Variants in THEMIS observed in about 807,000 individuals in gnomAD.
THEMIS encodes the protein thymocyte selection associated.
THEMIS carries 37 observed loss-of-function variants against 52.6 expected under a neutral mutation model. That is an observed-to-expected ratio of 0.70 (90% CI 0.54 to 0.93). The LOEUF (loss-of-function observed/expected upper bound fraction) is 0.93. Among genes scored for constraint, THEMIS ranks in the 40% least tolerant of loss-of-function variants. THEMIS has a pLI of 0.00. For missense variants in THEMIS, 808 were observed against 763.1 expected, an observed-to-expected ratio of 1.06 and a Z score of -0.69; for synonymous variants, 292 against 272.7, an observed-to-expected ratio of 1.07 and a Z score of -0.70.
chr6:127,733,405 A>T (rs559086267), intron 4 of THEMIS, among the ~76,000 whole-genome samples: 41 of 152,266 alleles, frequency 2.7e-4, no homozygotes, highest in Non-Finnish European at 1.5e-5. Flanking sequence ...TTTTGTTTAA[A>T]CTAGTTAATA....
chr6:127,719,524 G>C (rs944413178), intron 5 of THEMIS, among the ~76,000 whole-genome samples, 164 bp downstream of exon 5: 4 of 152,008 alleles, frequency 2.6e-5, no homozygotes, highest in Admixed American at 2.0e-4. Context: ...TCAATATCAT[G>C]CTTCACATAA....
chr6:127,895,682 C>T (rs1370378545), intron 1 of THEMIS, among the ~76,000 whole-genome samples: 2 of 151,276 alleles, frequency 1.3e-5, no homozygotes, highest in African/African-American at 2.4e-5. Context: ...AAACTATGCT[C>T]ATGGATAAAA....
chr6:127,767,845 G>T (rs1049276260), intron 4 of THEMIS, among the ~76,000 whole-genome samples: 1 of 152,128 alleles, frequency 6.6e-6, no homozygotes, highest in African/African-American at 2.4e-5. Context: ...CACAACAAGT[G>T]AGTAATGTGT....
At chr6:127,764,589 G>T (rs926121744) in intron 4 of THEMIS, among the ~76,000 whole-genome samples, 5 of 152,002 alleles carry the variant, frequency 3.3e-5, no homozygotes, top group African/African-American at 1.2e-4. Flanking sequence ...CTAAAATAAT[G>T]CAGTTGGTAA....
At chr6:127,743,218 A>C (rs9491859) in intron 4 of THEMIS, among the ~76,000 whole-genome samples, 87,621 of 151,844 alleles carry the variant, frequency 0.58, 26,654 homozygotes, top group Non-Finnish European at 0.65. Flanking sequence ...TATCTCAGAT[A>C]CAGTGATGGT....
chr6:127,856,652 G>C (rs149584699), intron 1 of THEMIS, among the ~76,000 whole-genome samples: 73 of 152,034 alleles, frequency 4.8e-4, no homozygotes, highest in African/African-American at 1.6e-3. Context: ...ACATATTAAG[G>C]ATAGTCTATC....
intron 4 of THEMIS, among the ~76,000 whole-genome samples, chr6:127,793,808 T>A (rs1241831723): frequency 2.0e-5 from 3 of 152,232 alleles, no homozygotes; most frequent in Non-Finnish European, 4.4e-5. Context: ...ACTGATCATT[T>A]ACTCTAACCT....
downstream of THEMIS, among the ~76,000 whole-genome samples, chr6:127,705,134 A>AGAT (rs909393609): frequency 2.0e-5 from 3 of 152,224 alleles, no homozygotes; most frequent in African/African-American, 7.2e-5. Flanking sequence ...ACTTGGATTC[A>AGAT]GATAGAGTTG....
intron 5 of THEMIS, among the ~76,000 whole-genome samples, chr6:127,713,977 G>T (rs1031982111): frequency 1.8e-4 from 28 of 151,880 alleles, no homozygotes; most frequent in African/African-American, 6.8e-4. Flanking sequence ...GAGAGACAGT[G>T]GTTGATAGCA....
chr6:127,754,434 C>T (rs1295744055), intron 4 of THEMIS, among the ~76,000 whole-genome samples: 1 of 152,188 alleles, frequency 6.6e-6, no homozygotes, highest in African/African-American at 2.4e-5. Flanking sequence ...CAGATTCTTA[C>T]TCTCTCACCA....
In THEMIS at chr6:127,862,391, C is replaced by T. The variant is rs372718881; in HGVS notation, c.92-7203G>A. Among the ~76,000 whole-genome samples the T allele has an allele frequency of 9.0e-5, 13 of 145,220 alleles. No homozygotes were observed. In the South Asian group the frequency reaches 2.1e-3, roughly 24 times the overall value. ...GTTGCTGGACCTATACAGCTCAGTT[C>T]CAAAGCCATAAGCAGGTGAAATCTC... On this transcript the variant is annotated intron_variant, in intron 1 of 5. Transcript: ENST00000368248.
intron 4 of THEMIS, among the ~76,000 whole-genome samples, chr6:127,745,652 A>C (rs144249456): frequency 6.4e-4 from 98 of 151,996 alleles, no homozygotes; most frequent in African/African-American, 2.2e-3. Flanking sequence ...TTGTGAGACT[A>C]TAGGTTGTTT....
intron 4 of THEMIS, among the ~76,000 whole-genome samples, chr6:127,738,513 C>G (rs1775085180): frequency 6.6e-6 from 1 of 152,198 alleles, no homozygotes; most frequent in Admixed American, 6.5e-5. Flanking sequence ...TCTAACTCCT[C>G]TATAACTCCA....
intron 3 of THEMIS, among the ~76,000 whole-genome samples, chr6:127,817,243 A>G (rs764344862): frequency 6.6e-6 from 1 of 152,230 alleles, no homozygotes; most frequent in Non-Finnish European, 1.5e-5. Flanking sequence ...CAATAAATGA[A>G]TTAATGAATA....
chr6:127,848,183 T>C (rs1405601219), intron 2 of THEMIS, among the ~76,000 whole-genome samples: 2 of 151,250 alleles, frequency 1.3e-5, no homozygotes, highest in East Asian at 3.9e-4. Flanking sequence ...GTTTGGTTTT[T>C]TTGTCCTTGT....
intron 4 of THEMIS, among the ~76,000 whole-genome samples, chr6:127,792,361 C>T (rs1227499552): frequency 6.6e-6 from 1 of 152,196 alleles, no homozygotes; most frequent in Non-Finnish European, 1.5e-5. Flanking sequence ...GGCCAAGACA[C>T]TGTAAACCTT....
At chr6:127,851,719 G>A (rs953252882) in intron 2 of THEMIS, among the ~76,000 whole-genome samples, 1 of 151,682 alleles carries the variant, frequency 6.6e-6, no homozygotes, top group African/African-American at 2.4e-5. Flanking sequence ...TGGAACAAAA[G>A]AAACTCTCAT....
chr6:127,846,034 T>C (rs1041110465), intron 2 of THEMIS, among the ~76,000 whole-genome samples: 1 of 151,928 alleles, frequency 6.6e-6, no homozygotes, highest in Admixed American at 6.6e-5. Flanking sequence ...TGACAGAATG[T>C]TCCCAAATGA....
intron 4 of THEMIS, among the ~76,000 whole-genome samples, chr6:127,802,027 A>G (rs1217584789): frequency 6.6e-6 from 1 of 152,200 alleles, no homozygotes; most frequent in Non-Finnish European, 1.5e-5. Flanking sequence ...GGAACTCTGC[A>G]TTTAATGTTG....
Sources: allele counts gnomAD v4.1 joint callset (sites outside exome capture counted in the v4.1 genomes callset), GRCh38; gene constraint gnomAD v4.1.1; transcripts MANE v1.5; gene names NCBI Gene and HGNC (gene_info 2026-07-23, HGNC 2026-07-21).